The following NRK variants were observed in gnomAD, a reference collection of about 807,000 sequenced individuals.
NRK encodes Nik related kinase.
NRK carries 67 observed loss-of-function variants against 125.2 expected under a neutral mutation model. That is an observed-to-expected ratio of 0.54 (90% CI 0.44 to 0.66). The LOEUF (loss-of-function observed/expected upper bound fraction) is 0.66, where lower values mean the gene tolerates loss of function less well. NRK is among the 30% of genes least tolerant of loss of function. The pLI, the probability that NRK is intolerant of heterozygous loss-of-function variation, is 0.00. For missense variants in NRK, 1,224 were observed against 1,192.9 expected, an observed-to-expected ratio of 1.03 and a Z score of -0.38; for synonymous variants, 458 against 429.0, an observed-to-expected ratio of 1.07 and a Z score of -0.84.
chrX:105,836,945 A>G (rs1243443010), intron 2 of NRK, among the ~76,000 whole-genome samples: 1 of 112,403 alleles, frequency 8.9e-6, no homozygotes, highest in African/African-American at 3.2e-5. Flanking sequence ...TATTGCCATC[A>G]TTATTGTTGC....
intron 28 of NRK, among the ~76,000 whole-genome samples, chrX:105,954,516 TTTTTAATATTTAAA>T (rs1295039056): frequency 9.0e-6 from 1 of 110,589 alleles, no homozygotes; most frequent in East Asian, 2.8e-4. Context: ...ATATTAAATA[TTTTTAATATTTAAA>T]TTTTAATAAT....
chrX:105,855,255 A>G (rs989014821), intron 2 of NRK, among the ~76,000 whole-genome samples: 1 of 112,190 alleles, frequency 8.9e-6, no homozygotes, highest in Non-Finnish European at 1.9e-5. Context: ...CTAAATGGTA[A>G]GATGGAAGTA....
chrX:105,848,877 T>C (rs887419840), intron 2 of NRK, among the ~76,000 whole-genome samples: 2 of 112,438 alleles, frequency 1.8e-5, no homozygotes, highest in African/African-American at 6.5e-5. Context: ...TTTTCCAGAA[T>C]CTGTTTCCAC....
At chrX:105,881,072 C>T (rs897728041) in intron 3 of NRK, among the ~76,000 whole-genome samples, 7 of 110,804 alleles carry the variant, frequency 6.3e-5, no homozygotes, top group Non-Finnish European at 1.1e-4. Flanking sequence ...CACATGTGTA[C>T]CTATGTAACA....
At chrX:105,950,808 T>C (rs2040886642) in intron 27 of NRK, among the ~76,000 whole-genome samples, 1 of 105,659 alleles carries the variant, frequency 9.5e-6, no homozygotes, top group Non-Finnish European at 1.9e-5. Flanking sequence ...TATGTTGTTG[T>C]TGACAACATA....
rs1327703946 is a variant in NRK at position 105,939,917 on chromosome X, G to T, written c.3843G>T (p.Arg1281Ser). The stretch of plus-strand genomic sequence containing the variant: ...GGGTGTATCATCTGACCTGGTTGAG[G>T]AACAAGATTTTGAATAATGATCCAG... ...RLRVYHLTWL[R>S]NKILNNDPES... is the part of the protein sequence containing the mutation. Residue 1281 changes from arginine to serine, a missense_variant, in exon 23 of 29, where the codon AGG (arginine) becomes AGT (serine). Coordinates refer to ENST00000243300, the MANE Select transcript of NRK (RefSeq NM_198465.4). 8.4e-7 allele frequency: 1 copy of T among 1,191,530 alleles called. No homozygotes were observed. The highest frequency in any genetic ancestry group is 1.8e-5 in the African/African-American group (1 of 56,719).
At chrX:105,894,321 A>G (rs1388121910) in intron 6 of NRK, among the ~76,000 whole-genome samples, 1 of 112,154 alleles carries the variant, frequency 8.9e-6, no homozygotes, top group Non-Finnish European at 1.9e-5. Context: ...TCAGTATTTT[A>G]TGGAATGGCC....
intron 16 of NRK, among the ~76,000 whole-genome samples, chrX:105,921,056 CA>C (rs1252974271): frequency 9.6e-5 from 9 of 93,563 alleles, no homozygotes; most frequent in Non-Finnish European, 1.7e-4. Flanking sequence ...GCATTATTCA[CA>C]ATAGCAAAGA....
intron 21 of NRK, among the ~76,000 whole-genome samples, chrX:105,937,142 A>G (rs1408338728): frequency 2.7e-5 from 3 of 109,705 alleles, no homozygotes; most frequent in South Asian, 3.9e-4. Flanking sequence ...AGAGGGAATT[A>G]TGTTCTATAT....
At chrX:105,899,843 C>T (rs1185890133) in intron 8 of NRK, among the ~76,000 whole-genome samples, 2 of 110,400 alleles carry the variant, frequency 1.8e-5, no homozygotes, top group Non-Finnish European at 3.8e-5. Flanking sequence ...TGGCAGGCAC[C>T]TATAATCCTA....
At chrX:105,824,683 T>C (rs1191325478) in intron 1 of NRK, among the ~76,000 whole-genome samples, 1 of 108,192 alleles carries the variant, frequency 9.2e-6, no homozygotes, top group Admixed American at 9.9e-5. Context: ...CCCTGGGACA[T>C]AAGAATTTGG....
At chrX:105,944,759 G>A (rs982067062) in intron 24 of NRK, among the ~76,000 whole-genome samples, 3 of 111,851 alleles carry the variant, frequency 2.7e-5, no homozygotes, top group African/African-American at 9.8e-5. Flanking sequence ...CAATATGTGG[G>A]TATGGGAAGG....
chrX:105,848,401 T>C (rs1216074050), intron 2 of NRK, among the ~76,000 whole-genome samples: 1 of 112,201 alleles, frequency 8.9e-6, no homozygotes, highest in Non-Finnish European at 1.9e-5. Context: ...AGGTGAAATA[T>C]CTCATTACTT....
At chrX:105,888,478 T>C in intron 5 of NRK, 59 bp downstream of exon 5, 3 of 976,757 alleles carry the variant, frequency 3.1e-6, no homozygotes, top group Non-Finnish European at 4.2e-6. Flanking sequence ...CAAGGATGTA[T>C]GTTTTCATGA....
intron 24 of NRK, among the ~76,000 whole-genome samples, chrX:105,944,604 T>C (rs2040789570): frequency 9.0e-6 from 1 of 110,939 alleles, no homozygotes; most frequent in Admixed American, 9.6e-5. Context: ...CCCCAATAAA[T>C]TGAAGCTGAG....
intron 4 of NRK, 85 bp downstream of exon 4, chrX:105,881,864 T>C (rs971100455): frequency 1.7e-4 from 89 of 528,555 alleles, no homozygotes; most frequent in Non-Finnish European, 1.3e-5. Flanking sequence ...ATTGTGTCAT[T>C]ATCTCTAGAA....
chrX:105,921,046 G>A (rs1326967518), intron 16 of NRK, among the ~76,000 whole-genome samples: 1 of 92,304 alleles, frequency 1.1e-5, no homozygotes, highest in East Asian at 3.4e-4. Context: ...GTTTATTGCG[G>A]CATTATTCAC....
chrX:105,888,096 A>G (rs2039970593), intron 4 of NRK, among the ~76,000 whole-genome samples, 198 bp from the exon 5 acceptor site: 1 of 112,301 alleles, frequency 8.9e-6, no homozygotes. Flanking sequence ...TCTTCAGTTT[A>G]CCCTTTTTAT....
chrX:105,895,393 G>GAA (rs1462691344), intron 6 of NRK, 40 bp from the exon 7 acceptor site: 2 of 965,380 alleles, frequency 2.1e-6, no homozygotes, highest in Non-Finnish European at 1.5e-6. Flanking sequence ...AAGAAAGAAA[G>GAA]AAATATATAC....
Sources: allele counts gnomAD v4.1 joint callset (sites outside exome capture counted in the v4.1 genomes callset), GRCh38; gene constraint gnomAD v4.1.1; transcripts MANE v1.5; gene names NCBI Gene and HGNC (gene_info 2026-07-23, HGNC 2026-07-21).